PIK3R5: variants seen among roughly 807,000 people sequenced by gnomAD.
The protein encoded by PIK3R5 is phosphoinositide 3-kinase regulatory subunit 5.
In PIK3R5, 32 loss-of-function variants were observed where a neutral mutation model predicts 94.9. The observed-to-expected ratio is 0.34, with a 90% CI of 0.25 to 0.45. The LOEUF is 0.45. Among genes scored for constraint, PIK3R5 ranks in the 20% least tolerant of loss-of-function variants. The pLI is 1.00. For synonymous variants in PIK3R5, 443 were observed against 479.4 expected (o/e 0.92, Z 0.99); for missense variants, 853 against 1,144.6 (o/e 0.75, Z 3.68).
At chr17:8,926,342 G>C (rs1163413006) in intron 1 of PIK3R5, among the ~76,000 whole-genome samples, 1 of 152,038 alleles carries the variant, frequency 6.6e-6, no homozygotes, top group Non-Finnish European at 1.5e-5. Context: ...AAATGCCCCA[G>C]GATCCAAAAG....
intron 1 of PIK3R5, among the ~76,000 whole-genome samples, chr17:8,949,948 T>C (rs951650296): frequency 5.3e-5 from 8 of 152,210 alleles, no homozygotes; most frequent in African/African-American, 1.9e-4. Context: ...TTAAAGTACA[T>C]GTCTGAGTCC....
In PIK3R5 at chr17:8,890,653, G is replaced by C. The variant is rs2151374776; in HGVS notation, c.657+85C>G. On this transcript the variant is annotated intron_variant, in intron 7 of 18. Transcript: ENST00000447110. This position sits in a 1 kb window ranked among gnomAD's most constrained non-coding sequence, Gnocchi z 6.1. ...GGTGCAGGAGACTAAGTGTACCCTG[G>C]AGACCGTGGCTGAGATGAAGCAGGG... 2.4e-6 allele frequency: 3 copies of C among 1,225,762 alleles called. No homozygotes were observed. Among genetic ancestry groups the C allele is most frequent in the Middle Eastern group, 2.3e-4 (1 of 4,316 alleles). The allele number at this position is 1,225,762 out of a possible 1,614,324, so 75.9% of individuals were successfully genotyped here.
intron 1 of PIK3R5, among the ~76,000 whole-genome samples, chr17:8,951,456 A>G (rs148770189): frequency 8.1e-4 from 123 of 152,128 alleles, no homozygotes; most frequent in Non-Finnish European, 9.6e-4. Context: ...TTCTGTTTCT[A>G]TGAGTTTACT....
chr17:8,947,731 T>C (rs2151466913), intron 1 of PIK3R5, among the ~76,000 whole-genome samples: 1 of 152,132 alleles, frequency 6.6e-6, no homozygotes, highest in Non-Finnish European at 1.5e-5. Flanking sequence ...AATGAGCGTA[T>C]CATGAAAGCA....
chr17:8,890,162 A>T lies in PIK3R5; in HGVS notation c.658-36T>A. Reference sequence around the variant, plus strand: ...AGGAGGAGATGGGCTTTGCTCCTGGACCGTGAGCTAGCTGTCCACCTGTTC... The same window carrying T: ...AGGAGGAGATGGGCTTTGCTCCTGGTCCGTGAGCTAGCTGTCCACCTGTTC... On this transcript the variant is annotated intron_variant, in intron 7 of 18. Coordinates refer to ENST00000447110, the MANE Select transcript of PIK3R5 (RefSeq NM_001142633.3). The surrounding 1 kb of genome is among the most constrained non-coding windows in gnomAD (Gnocchi z 6.1). 6.2e-7 allele frequency: 1 copy of T among 1,606,612 alleles called. No homozygotes were observed. The highest frequency in any genetic ancestry group is 8.5e-7 in the Non-Finnish European group (1 of 1,175,276).
chr17:8,924,791 G>A (rs1286239354), intron 1 of PIK3R5, among the ~76,000 whole-genome samples: 3 of 152,202 alleles, frequency 2.0e-5, no homozygotes, highest in African/African-American at 7.2e-5. Context: ...ATACTCATCA[G>A]GTTTGTGGAC....
Position 8,881,735 on chromosome 17 carries a change from C to A in PIK3R5, c.2300-23G>T. On this transcript the variant is annotated intron_variant, in intron 16 of 18. Transcript: ENST00000447110. This position sits in a 1 kb window ranked among gnomAD's most constrained non-coding sequence, Gnocchi z 4.8. The stretch of plus-strand genomic sequence containing the variant: ...AATCTGAGGGGCAAGGACACTCAGG[C>A]CAGGCTCAGAGCACCTCCCTACTGC... 6.2e-7 allele frequency: 1 copy of A among 1,613,166 alleles called. No homozygotes were observed. The highest frequency in any genetic ancestry group is 1.3e-5 in the African/African-American group (1 of 74,974).
chr17:8,930,982 T>C (rs770292758), intron 1 of PIK3R5, among the ~76,000 whole-genome samples: 6 of 152,234 alleles, frequency 3.9e-5, no homozygotes, highest in Non-Finnish European at 5.9e-5. Flanking sequence ...ATCCTGGTTG[T>C]GATATTGTCG....
intron 1 of PIK3R5, among the ~76,000 whole-genome samples, chr17:8,915,129 C>T (rs1442866817): frequency 6.6e-6 from 1 of 152,162 alleles, no homozygotes; most frequent in African/African-American, 2.4e-5. Context: ...CAAGTGAAGA[C>T]TTGATTTTGC....
chr17:8,929,283 T>G (rs536450232), intron 1 of PIK3R5, among the ~76,000 whole-genome samples: 186 of 152,292 alleles, frequency 1.2e-3, no homozygotes, highest in Admixed American at 3.3e-3. Context: ...TTATAAAACA[T>G]AACCCAACCA....
intron 1 of PIK3R5, chr17:8,912,011 G>C (rs909272838): frequency 5.9e-5 from 9 of 152,490 alleles, no homozygotes; most frequent in African/African-American, 2.2e-4. Context: ...CTCTGATTGG[G>C]TGCCCAGGTC....
chr17:8,958,642 T>C (rs894956188), intron 1 of PIK3R5, among the ~76,000 whole-genome samples: 1 of 152,166 alleles, frequency 6.6e-6, no homozygotes, highest in African/African-American at 2.4e-5. Flanking sequence ...TGCCTGTCCC[T>C]GGGAACTTGG....
At chr17:8,921,292 T>A (rs2090738492) in intron 1 of PIK3R5, among the ~76,000 whole-genome samples, 1 of 152,246 alleles carries the variant, frequency 6.6e-6, no homozygotes, top group Non-Finnish European at 1.5e-5. Context: ...ACCCTACCAT[T>A]CCTACTTATA....
intron 1 of PIK3R5, among the ~76,000 whole-genome samples, chr17:8,949,267 G>A (rs1048423641): frequency 2.0e-5 from 3 of 152,188 alleles, no homozygotes; most frequent in Non-Finnish European, 4.4e-5. Context: ...GCTAAATTTC[G>A]AGCTGGTGAA....
At chr17:8,956,966 G>C (rs1183305879) in intron 1 of PIK3R5, among the ~76,000 whole-genome samples, 1 of 152,208 alleles carries the variant, frequency 6.6e-6, no homozygotes, top group East Asian at 1.9e-4. Context: ...AATGGCTATG[G>C]TTTTCTCACA....
intron 1 of PIK3R5, among the ~76,000 whole-genome samples, chr17:8,922,513 C>T (rs2090773949): frequency 6.6e-6 from 1 of 152,134 alleles, no homozygotes; most frequent in South Asian, 2.1e-4. Flanking sequence ...ACTCTCAAAG[C>T]CCATGTTCTT....
At chr17:8,915,308 C>T (rs1052543559) in intron 1 of PIK3R5, among the ~76,000 whole-genome samples, 2 of 151,336 alleles carry the variant, frequency 1.3e-5, no homozygotes, top group African/African-American at 4.9e-5. Flanking sequence ...CCTGTAATCA[C>T]AGCTACTCGG....
At chr17:8,919,772 T>A (rs1026776803) in intron 1 of PIK3R5, among the ~76,000 whole-genome samples, 1 of 152,106 alleles carries the variant, frequency 6.6e-6, no homozygotes, top group African/African-American at 2.4e-5. Flanking sequence ...TGTGGAAACA[T>A]TCCCAGTGCA....
chr17:8,937,375 G>A (rs912163111), intron 1 of PIK3R5, among the ~76,000 whole-genome samples: 5 of 152,232 alleles, frequency 3.3e-5, no homozygotes, highest in Admixed American at 6.5e-5. Flanking sequence ...TTAGCTGTAC[G>A]TTTTCTGTAT....
Sources: gnomAD v4.1 joint callset for allele counts (sites outside exome capture counted in the v4.1 genomes callset) on GRCh38, gnomAD v4.1.1 for gene constraint, Gnocchi (gnomAD v3.1) non-coding constraint, MANE v1.5 for transcripts, NCBI Gene and HGNC (gene_info 2026-07-23, HGNC 2026-07-21) for gene names.